The following VPS13D variants were observed in gnomAD, a reference collection of about 807,000 sequenced individuals.
VPS13D encodes vacuolar protein sorting 13 homolog D, also known as intermembrane lipid transfer protein VPS13D.
A neutral mutation model predicts 461.9 loss-of-function variants in VPS13D; 187 were observed. The observed-to-expected ratio is 0.40, with a 90% CI of 0.36 to 0.46. VPS13D has a LOEUF of 0.46. VPS13D is among the 20% of genes least tolerant of loss of function. The pLI is 0.60. For synonymous variants in VPS13D, 1,951 were observed against 1,986.3 expected (o/e 0.98, Z 0.47); for missense variants, 4,711 against 5,364.9 (o/e 0.88, Z 3.81).
chr1:12,412,226 G>C (rs886289200), intron 63 of VPS13D, among the ~76,000 whole-genome samples: 1 of 152,246 alleles, frequency 6.6e-6, no homozygotes, highest in Non-Finnish European at 1.5e-5. Context: ...AGTTGTCGTT[G>C]CTCCTCAAAT....
At chr1:12,307,827 G>A in intron 26 of VPS13D, among the ~76,000 whole-genome samples, 1 of 152,176 alleles carries the variant, frequency 6.6e-6, no homozygotes, top group East Asian at 1.9e-4. Flanking sequence ...TAGCCAGTAA[G>A]TGTATAAAAT....
chr1:12,380,015 C>T (rs12724645), intron 57 of VPS13D, among the ~76,000 whole-genome samples: 7 of 152,270 alleles, frequency 4.6e-5, no homozygotes, highest in African/African-American at 9.6e-5. Flanking sequence ...GTTATCCACC[C>T]GCCTTGGCCT....
At chr1:12,238,448 T>C (rs1216395120) in intron 2 of VPS13D, among the ~76,000 whole-genome samples, 1 of 151,646 alleles carries the variant, frequency 6.6e-6, no homozygotes, top group Non-Finnish European at 1.5e-5. Context: ...TAAAAAATAG[T>C]AATAATAATA....
At chr1:12,233,149 G>A (rs1004424795) in intron 1 of VPS13D, among the ~76,000 whole-genome samples, 6 of 152,026 alleles carry the variant, frequency 3.9e-5, no homozygotes, top group African/African-American at 1.4e-4. Flanking sequence ...GGGATTACAG[G>A]TGCCTGCCAC....
rs565370117 is a variant in VPS13D, at chr1:12,505,276, C to A, written c.12795-1577C>A. Among the ~76,000 whole-genome samples, 1 of 152,222 alleles carries A rather than the reference C, an allele frequency of 6.6e-6. No homozygotes were observed. Among genetic ancestry groups the A allele is most frequent in the African/African-American group, 2.4e-5 (1 of 41,454 alleles). The stretch of plus-strand genomic sequence containing the variant: ...TTTCCCTGTGCCCTCCTTTCTTCCC[C>A]GGACCAGCTATTTCAGATTCCATTC... On this transcript the variant is annotated intron_variant, in intron 68 of 69. Transcript: ENST00000620676. The surrounding 1 kb of genome is among the most constrained non-coding windows in gnomAD (Gnocchi z 4.2).
intron 65 of VPS13D, among the ~76,000 whole-genome samples, chr1:12,420,462 C>A (rs1644848909): frequency 6.6e-6 from 1 of 152,206 alleles, no homozygotes; most frequent in African/African-American, 2.4e-5. Flanking sequence ...TGAGCCCCTG[C>A]CAGTGCACTG....
At chr1:12,295,914 T>C (rs1013681249) in intron 24 of VPS13D, among the ~76,000 whole-genome samples, 1 of 152,242 alleles carries the variant, frequency 6.6e-6, no homozygotes, top group African/African-American at 2.4e-5. Flanking sequence ...AAACGGTATC[T>C]TTTGCTTTGC....
intron 6 of VPS13D, among the ~76,000 whole-genome samples, chr1:12,252,792 A>G (rs1167555588): frequency 1.3e-5 from 2 of 149,876 alleles, no homozygotes; most frequent in South Asian, 2.1e-4. Flanking sequence ...AAAAAACAAG[A>G]GAAGAAAATA....
chr1:12,346,618 G>A lies in VPS13D; in HGVS notation c.9035G>A (p.Ser3012Asn). Residue 3012 changes from serine to asparagine, a missense_variant, in exon 44 of 70, where the codon AGC (serine) becomes AAC (asparagine). Physicochemically the swap from Ser to Asn is conservative, Grantham distance 46. This residue lies in a region of VPS13D where 4,411 missense variants were observed against 4,937.8 expected (regional missense o/e 0.89). Coordinates refer to ENST00000620676, the MANE Select transcript of VPS13D (RefSeq NM_015378.4). Reference sequence around the variant, plus strand: ...AATCTTTTTCAGATTGGCAGCCCAAGCAGCAGAACAAATATTATACATCCC... The same window carrying A: ...AATCTTTTTCAGATTGGCAGCCCAAACAGCAGAACAAATATTATACATCCC... ...NSSSSTIGSP[S>N]SRTNIIHPQV... 1 of 1,613,234 alleles carries A rather than the reference G, an allele frequency of 6.2e-7. No homozygotes were observed. Among genetic ancestry groups the A allele is most frequent in the Non-Finnish European group, 8.5e-7 (1 of 1,179,774 alleles).
In VPS13D at chr1:12,261,962, A is replaced by G. The variant is rs1641122857; in HGVS notation, c.1476A>G (p.Arg492=). Residue 492 remains arginine (R), a synonymous_variant, in exon 13 of 70, where the codon CGA becomes CGG. Transcript: ENST00000620676. ...CGTGTATGAACACGTATACAAAGCGAGATCATGTCTTTGCCAAACTGAATT... is the reference window on the plus strand; with the variant it reads ...CGTGTATGAACACGTATACAAAGCGGGATCATGTCTTTGCCAAACTGAATT... ...DASCMNTYTK[R]DHVFAKLNLQ... 1 of 1,614,174 alleles carries G rather than the reference A, an allele frequency of 6.2e-7. No homozygotes were observed. The highest frequency in any genetic ancestry group is 8.5e-7 in the Non-Finnish European group (1 of 1,180,010).
chr1:12,301,611 G>A (rs2101464345), intron 25 of VPS13D, among the ~76,000 whole-genome samples: 1 of 152,282 alleles, frequency 6.6e-6, no homozygotes, highest in East Asian at 1.9e-4. Flanking sequence ...CCATTGTTTA[G>A]GCTTTTAATG....
chr1:12,327,949 T>TTAAA lies in VPS13D; in HGVS notation c.8197+97_8197+98insAATA, dbSNP rs1643234386. On this transcript the variant is annotated intron_variant, in intron 36 of 69. Coordinates refer to ENST00000620676, the MANE Select transcript of VPS13D (RefSeq NM_015378.4). ...TTTTTTTTTGTCATTCATACTCTAT[T>TTAAA]TAGTCATTTGGGTGAAATTTAGATA... The TTAAA allele has an allele frequency of 4.1e-6, 5 of 1,221,800 alleles. No individual in the cohort carries two copies. In the Admixed American group the frequency reaches 1.4e-4, roughly 34 times the overall value. 75.7% of individuals were successfully genotyped at this position (1,221,800 alleles called of 1,614,324 possible). A position where few individuals can be genotyped will look rare whatever the true frequency, so the allele number is the denominator to read the frequency against.
chr1:12,269,887 C>T (rs542238590), intron 16 of VPS13D, among the ~76,000 whole-genome samples: 2 of 152,240 alleles, frequency 1.3e-5, no homozygotes, highest in East Asian at 1.9e-4. Context: ...ATGGTTCATA[C>T]CTGTAATCCT....
intron 35 of VPS13D, among the ~76,000 whole-genome samples, chr1:12,325,713 A>C (rs1336053597): frequency 3.3e-5 from 5 of 152,196 alleles, no homozygotes; most frequent in Non-Finnish European, 7.3e-5. Context: ...GTTATGATAT[A>C]CTTAATATAT....
rs3831905 is a variant in VPS13D, at chr1:12,510,525, CTGTGTG to C, written c.*1526_*1531del. On this transcript the variant is annotated 3_prime_UTR_variant, in exon 70 of 70. Transcript: ENST00000620676. ...TCCCACTTCCCCTCTGTGTCTGTGT[CTGTGTG>C]TGTGTGTGTGTGTGTGTGTGTGTGC... The C allele has an allele frequency of 2.8e-3, 410 of 146,206 alleles. 3 individuals carry two copies. The highest frequency in any genetic ancestry group is 6.5e-3 in the South Asian group (30 of 4,582). The allele number at this position is 146,206 out of a possible 1,614,324, so 9.1% of individuals were successfully genotyped here.
intron 67 of VPS13D, 130 bp from the exon 68 acceptor site, chr1:12,497,370 G>T (rs1645974206): frequency 1.8e-6 from 2 of 1,112,342 alleles, no homozygotes; most frequent in Non-Finnish European, 2.5e-6. Flanking sequence ...AGGCAGTACT[G>T]TAGGTTAATT....
chr1:12,485,788 T>G (rs1645790019), intron 67 of VPS13D, among the ~76,000 whole-genome samples: 1 of 152,188 alleles, frequency 6.6e-6, no homozygotes, highest in Admixed American at 6.5e-5. Flanking sequence ...GTCCAATTCA[T>G]GTTAACACTG....
Position 12,495,485 on chromosome 1 carries a change from C to A in VPS13D, c.12663-2015C>A, listed in dbSNP as rs529843538. ...TGTAACATCTTTTGAAAGGGCCATT[C>A]TCATTGCCATGAGGAGAGTGGACAA... On this transcript the variant is annotated intron_variant, in intron 67 of 69. Coordinates refer to ENST00000620676, the MANE Select transcript of VPS13D (RefSeq NM_015378.4). The surrounding 1 kb of genome is among the most constrained non-coding windows in gnomAD (Gnocchi z 4.0). 6.6e-6 allele frequency among the ~76,000 whole-genome samples: 1 copy of A among 152,242 alleles called. No individual in the cohort carries two copies. Among genetic ancestry groups the A allele is most frequent in the South Asian group, 2.1e-4 (1 of 4,826 alleles).
chr1:12,401,369 TGAG>T (rs1644578059), intron 61 of VPS13D, among the ~76,000 whole-genome samples: 3 of 152,288 alleles, frequency 2.0e-5, no homozygotes, highest in Middle Eastern at 6.8e-3. Context: ...TCCTGACTAA[TGAG>T]GCCCAGATTG....
Sources: gnomAD v4.1 joint callset for allele counts (sites outside exome capture counted in the v4.1 genomes callset) on GRCh38, gnomAD v4.1.1 for gene constraint, gnomAD v4.1.1 regional missense constraint, Gnocchi (gnomAD v3.1) non-coding constraint, MANE v1.5 for transcripts, NCBI Gene and HGNC (gene_info 2026-07-23, HGNC 2026-07-21) for gene names.